The following CNTNAP4 variants were observed in gnomAD, a reference collection of about 807,000 sequenced individuals.
CNTNAP4 encodes the protein contactin-associated protein-like 4.
A neutral mutation model predicts 148.4 loss-of-function variants in CNTNAP4; 98 were observed. The observed-to-expected ratio is 0.66, with a 90% confidence interval of 0.56 to 0.78. The LOEUF is 0.78. CNTNAP4 is among the 30% of genes least tolerant of loss of function. The probability of loss-of-function intolerance (pLI) is 0.00; values close to 1 mark genes in which losing one functional copy is unlikely to be tolerated. For synonymous variants in CNTNAP4, 730 were observed against 565.1 expected, an observed-to-expected ratio of 1.29 and a Z score of -4.14; for missense variants, 1,935 against 1,565.6, an observed-to-expected ratio of 1.24 and a Z score of -3.98.
At chr16:76,555,423 G>A (rs565083102) in intron 23 of CNTNAP4, among the ~76,000 whole-genome samples, 5 of 152,232 alleles carry the variant, frequency 3.3e-5, no homozygotes, top group African/African-American at 7.2e-5. Flanking sequence ...AAAGAAACAC[G>A]TTATACAGTA....
chr16:76,382,544 AAAG>A (rs574242171), intron 3 of CNTNAP4, among the ~76,000 whole-genome samples: 10 of 152,340 alleles, frequency 6.6e-5, no homozygotes, highest in East Asian at 3.9e-4. Flanking sequence ...TTAAGAGAAA[AAAG>A]AAGCAAATCT....
At position 76,559,447 on chromosome 16, in the gene CNTNAP4, G is replaced by C. The variant is rs1259669902; in HGVS notation, c.*764G>C. Reference sequence around the variant, plus strand: ...ATTAATTTGCTACCATTGTTTGATGGTGACAGTACTTAAGACCCTGAGTAA... The same window carrying C: ...ATTAATTTGCTACCATTGTTTGATGCTGACAGTACTTAAGACCCTGAGTAA... On this transcript the variant is annotated 3_prime_UTR_variant, in exon 24 of 24. Coordinates refer to ENST00000611870, the MANE Select transcript of CNTNAP4 (RefSeq NM_033401.5). Among the ~76,000 whole-genome samples, 2 of 152,064 alleles carry C rather than the reference G, an allele frequency of 1.3e-5. No homozygotes were observed. The highest frequency in any genetic ancestry group is 2.9e-5 in the Non-Finnish European group (2 of 67,982).
chr16:76,388,374 A>G (rs1218754120), intron 3 of CNTNAP4, among the ~76,000 whole-genome samples: 1 of 152,256 alleles, frequency 6.6e-6, no homozygotes, highest in Non-Finnish European at 1.5e-5. Flanking sequence ...ACACAGCAAA[A>G]TACCATTCTT....
chr16:76,499,602 C>T lies in CNTNAP4; in HGVS notation c.2365+908C>T, dbSNP rs12716816. Among the ~76,000 whole-genome samples, 3 of 149,892 alleles carry T rather than the reference C, an allele frequency of 2.0e-5. 1 individual carries two copies. The highest frequency in any genetic ancestry group is 4.4e-5 in the Non-Finnish European group (3 of 67,500). On this transcript the variant is annotated intron_variant, in intron 15 of 23. Transcript: ENST00000611870. ...TTATTGATCATTCTTGGGTGTTTCT[C>T]GGAGAGGGGGATTTGGCAGGGTCAT...
At chr16:76,366,801 A>C (rs1007481226) in intron 3 of CNTNAP4, among the ~76,000 whole-genome samples, 1 of 152,200 alleles carries the variant, frequency 6.6e-6, no homozygotes, top group African/African-American at 2.4e-5. Flanking sequence ...GTAATAGAAT[A>C]TGTACAAGAA....
In CNTNAP4 at chr16:76,277,592, C is replaced by G. The variant is rs1958523750; in HGVS notation, c.-71C>G. 1 of 1,001,332 alleles carries G rather than the reference C, an allele frequency of 1.0e-6. No homozygotes were observed. Among genetic ancestry groups the G allele is most frequent in the South Asian group, 1.4e-5 (1 of 72,672 alleles). The allele number at this position is 1,001,332 out of a possible 1,614,324, so 62.0% of individuals were successfully genotyped here. On this transcript the variant is annotated 5_prime_UTR_variant, in exon 1 of 24. Coordinates refer to ENST00000611870, the MANE Select transcript of CNTNAP4 (RefSeq NM_033401.5). ...GAAGACCCAGACAGAGCTGGCAGAG[C>G]TACTGAGAAGAGGACTGGAGCGCTC...
intron 9 of CNTNAP4, among the ~76,000 whole-genome samples, chr16:76,465,417 T>G (rs1344636665): frequency 6.6e-6 from 1 of 152,214 alleles, no homozygotes; most frequent in Non-Finnish European, 1.5e-5. Flanking sequence ...TGCCTCATGA[T>G]AGGATAGTAT....
At chr16:76,548,042 C>G (rs1030848230) in intron 21 of CNTNAP4, among the ~76,000 whole-genome samples, 4 of 152,230 alleles carry the variant, frequency 2.6e-5, no homozygotes, top group Admixed American at 2.6e-4. Flanking sequence ...ATACCTGCCA[C>G]TGTAAGATAG....
At chr16:76,452,105 C>T (rs1041747434) in intron 7 of CNTNAP4, among the ~76,000 whole-genome samples, 11 of 149,720 alleles carry the variant, frequency 7.3e-5, no homozygotes, top group Admixed American at 2.7e-4. Context: ...ATTGCCTTTA[C>T]ACATATGGGT....
intron 3 of CNTNAP4, among the ~76,000 whole-genome samples, chr16:76,413,995 TATAA>T (rs1227599112): frequency 1.3e-5 from 2 of 151,284 alleles, no homozygotes; most frequent in Non-Finnish European, 3.0e-5. Context: ...CTCATACACC[TATAA>T]ATAAAGGCAG....
At chr16:76,311,162 C>A (rs1415138293) in intron 1 of CNTNAP4, among the ~76,000 whole-genome samples, 1 of 151,980 alleles carries the variant, frequency 6.6e-6, no homozygotes, top group Non-Finnish European at 1.5e-5. Flanking sequence ...AAAAACTGAA[C>A]AGCTTTTATT....
chr16:76,300,791 T>C (rs1264981829), intron 1 of CNTNAP4, among the ~76,000 whole-genome samples: 2 of 152,178 alleles, frequency 1.3e-5, no homozygotes, highest in South Asian at 4.1e-4. Context: ...CAAGCATCAA[T>C]TTATTTTATT....
chr16:76,345,595 G>T (rs1251097871), intron 2 of CNTNAP4, among the ~76,000 whole-genome samples: 1 of 152,106 alleles, frequency 6.6e-6, no homozygotes, highest in African/African-American at 2.4e-5. Context: ...AATGTGATAA[G>T]GCCATCTGTG....
chr16:76,359,972 A>C (rs2013204115), intron 3 of CNTNAP4, among the ~76,000 whole-genome samples: 1 of 152,220 alleles, frequency 6.6e-6, no homozygotes, highest in Non-Finnish European at 1.5e-5. Context: ...GTAAATGCCT[A>C]AGATTCTTTT....
At chr16:76,302,191 G>A (rs1960041292) in intron 1 of CNTNAP4, among the ~76,000 whole-genome samples, 1 of 151,974 alleles carries the variant, frequency 6.6e-6, no homozygotes, top group Non-Finnish European at 1.5e-5. Context: ...ATAGAAAAAG[G>A]AAAAATAAAA....
chr16:76,333,268 A>T (rs1052446431), intron 2 of CNTNAP4, among the ~76,000 whole-genome samples: 3 of 152,054 alleles, frequency 2.0e-5, no homozygotes, highest in Non-Finnish European at 2.9e-5. Context: ...TATAGCCATG[A>T]TGTGTCTCTT....
At position 76,384,841 on chromosome 16, in the gene CNTNAP4, C is replaced by T. The variant is rs566704670; in HGVS notation, c.390+29330C>T. On this transcript the variant is annotated intron_variant, in intron 3 of 23. Coordinates refer to ENST00000611870, the MANE Select transcript of CNTNAP4 (RefSeq NM_033401.5). The stretch of plus-strand genomic sequence containing the variant: ...ATTTATAGCTCTGTTGTTTTATTTC[C>T]CCAAAATACCTAATATAAGGTAAAA... Among the ~76,000 whole-genome samples the T allele has an allele frequency of 9.2e-5, 14 of 151,912 alleles. No homozygotes were observed. The South Asian group carries it at 2.7e-3, about 29-fold the overall frequency.
chr16:76,521,636 C>G (rs561182940), intron 16 of CNTNAP4, among the ~76,000 whole-genome samples: 1 of 152,202 alleles, frequency 6.6e-6, no homozygotes, highest in South Asian at 2.1e-4. Context: ...CTAAGCTGCT[C>G]TTATCTTAAT....
intron 3 of CNTNAP4, among the ~76,000 whole-genome samples, chr16:76,404,600 A>T (rs2078538030): frequency 6.6e-6 from 1 of 152,142 alleles, no homozygotes; most frequent in South Asian, 2.1e-4. Context: ...TGTTTTGAAA[A>T]TTTGATAAAT....
Sources: allele counts gnomAD v4.1 joint callset (sites outside exome capture counted in the v4.1 genomes callset), GRCh38; gene constraint gnomAD v4.1.1; transcripts MANE v1.5; gene names NCBI Gene and HGNC (gene_info 2026-07-23, HGNC 2026-07-21).